The following SHANK2 variants were observed in gnomAD, a reference collection of about 807,000 sequenced individuals.
SHANK2 encodes the protein SH3 and multiple ankyrin repeat domains protein 2.
SHANK2 carries 43 observed loss-of-function variants against 133.7 expected under a neutral mutation model. The ratio of observed to expected loss-of-function variants is 0.32; its 90% confidence interval spans 0.25 to 0.41. SHANK2 has a LOEUF of 0.41. Among genes scored for constraint, SHANK2 ranks in the 10% least tolerant of loss-of-function variants. The pLI is 1.00. For synonymous variants in SHANK2, 1,017 were observed against 952.8 expected (o/e 1.07, Z -1.24); for missense variants, 1,994 against 2,235.8 (o/e 0.89, Z 2.18).
chr11:71,133,464 GGAGGGAGA>G (rs1952372138), intron 3 of SHANK2, among the ~76,000 whole-genome samples: 1 of 151,494 alleles, frequency 6.6e-6, no homozygotes, highest in African/African-American at 2.4e-5. Context: ...ACGGAGGGAG[GGAGGGAGA>G]GAGAGACAGA....
intron 10 of SHANK2, among the ~76,000 whole-genome samples, chr11:70,922,562 T>C (rs1555080883): frequency 6.6e-6 from 1 of 151,998 alleles, no homozygotes. Flanking sequence ...AGATAAGGGA[T>C]GTGACAAAGA....
chr11:71,086,269 A>ATGT (rs1324064635), intron 8 of SHANK2, among the ~76,000 whole-genome samples: 4 of 25,768 alleles, frequency 1.6e-4, no homozygotes, highest in African/African-American at 7.3e-4. Flanking sequence ...TATATATTAT[A>ATGT]TATGTTATAT....
rs529717167 is a variant in SHANK2, at chr11:70,683,777, G to A, written c.1853+14911C>T. Among the ~76,000 whole-genome samples, 4 of 150,208 alleles carry A rather than the reference G, an allele frequency of 2.7e-5. No individual in the cohort carries two copies. In the South Asian group the frequency reaches 8.4e-4, roughly 31 times the overall value. On this transcript the variant is annotated intron_variant, in intron 15 of 25. Transcript: ENST00000601538. ...TGGCTTTCTCCTCTTCTAGCTTCAT[G>A]ATCTCCTTTTTGTTTTTTTTTTTTC...
At chr11:70,853,845 G>A (rs1454659767) in intron 11 of SHANK2, among the ~76,000 whole-genome samples, 2 of 152,092 alleles carry the variant, frequency 1.3e-5, no homozygotes, top group Non-Finnish European at 1.5e-5. Context: ...CTCTGCCTTC[G>A]TCTGTGTGTG....
rs181971334 is a variant in SHANK2, at chr11:70,852,597, C to A, written c.1175-31915G>T. Among the ~76,000 whole-genome samples the A allele has an allele frequency of 2.1e-3, 317 of 152,372 alleles. 1 individual carries two copies. The highest frequency in any genetic ancestry group is 3.4e-3 in the Non-Finnish European group (229 of 68,036). On this transcript the variant is annotated intron_variant, in intron 11 of 25. Transcript: ENST00000601538. ...CAGTGGCTCATGCCTGTAATCCCAG[C>A]ACTTTGGGAGGCCAAGGTGGGCGGA...
intron 11 of SHANK2, among the ~76,000 whole-genome samples, chr11:70,831,301 A>T (rs2135398511): frequency 6.6e-6 from 1 of 152,324 alleles, no homozygotes; most frequent in South Asian, 2.1e-4. Context: ...CCATGGACAG[A>T]TGAAAAACCA....
At chr11:71,172,610 A>AAG (rs1447930377) in intron 2 of SHANK2, among the ~76,000 whole-genome samples, 2 of 151,230 alleles carry the variant, frequency 1.3e-5, no homozygotes, top group East Asian at 3.9e-4. Flanking sequence ...AAAAAAAAAA[A>AAG]AAGAAAAAAA....
At position 70,473,667 on chromosome 11, in the gene SHANK2, C is replaced by T. The variant is rs947510989; in HGVS notation, c.4980-228G>A. ...GAGCACACCACGTCAGCCCACTCAC[C>T]TGAACTGGGACAGAGGGGCTGGGGG... On this transcript the variant is annotated intron_variant, in intron 25 of 25. Transcript: ENST00000601538. The surrounding 1 kb of genome is among the most constrained non-coding windows in gnomAD (Gnocchi z 5.9). 45 of 626,580 alleles carry T rather than the reference C, an allele frequency of 7.2e-5. No homozygotes were observed. The highest frequency in any genetic ancestry group is 4.1e-4 in the Middle Eastern group (1 of 2,418). 38.8% of individuals were successfully genotyped at this position (626,580 alleles called of 1,614,324 possible).
chr11:70,922,313 T>A (rs561597231), intron 10 of SHANK2, among the ~76,000 whole-genome samples: 1 of 31,894 alleles, frequency 3.1e-5, no homozygotes, highest in Non-Finnish European at 7.1e-5. Context: ...GTGAATCAAA[T>A]CCTAGAAGGA....
At chr11:70,770,349 A>G (rs1947221503) in intron 14 of SHANK2, among the ~76,000 whole-genome samples, 1 of 152,202 alleles carries the variant, frequency 6.6e-6, no homozygotes, top group South Asian at 2.1e-4. Flanking sequence ...GACTGGGGTC[A>G]TGGCCATGGG....
chr11:70,672,060 CTTTTTCTTT>C (rs1944820906), intron 15 of SHANK2, among the ~76,000 whole-genome samples: 1 of 120,936 alleles, frequency 8.3e-6, no homozygotes, highest in East Asian at 2.2e-4. Context: ...CTTTTCTTTT[CTTTTTCTTT>C]TTTTTTTTTT....
intron 15 of SHANK2, among the ~76,000 whole-genome samples, chr11:70,687,168 T>C (rs1454346173): frequency 6.6e-6 from 1 of 152,182 alleles, no homozygotes; most frequent in Non-Finnish European, 1.5e-5. Flanking sequence ...AGCAATGATG[T>C]AGGCATTTTA....
chr11:70,627,474 C>T (rs1050801151), intron 17 of SHANK2, among the ~76,000 whole-genome samples: 1 of 152,188 alleles, frequency 6.6e-6, no homozygotes, highest in African/African-American at 2.4e-5. Context: ...TAAGCCATGG[C>T]AACCTGGAGA....
intron 17 of SHANK2, among the ~76,000 whole-genome samples, chr11:70,631,520 T>G (rs560777781): frequency 3.3e-5 from 5 of 152,106 alleles, no homozygotes; most frequent in Admixed American, 2.6e-4. Context: ...CCTAATCCAC[T>G]CGGCAAAGTC....
At chr11:71,063,316 G>A (rs952927603) in intron 9 of SHANK2, among the ~76,000 whole-genome samples, 3 of 152,124 alleles carry the variant, frequency 2.0e-5, no homozygotes, top group East Asian at 1.9e-4. Context: ...TTTCCCAGAC[G>A]TCAAAAAGAG....
At chr11:71,131,801 T>G (rs1952312064) in intron 3 of SHANK2, among the ~76,000 whole-genome samples, 1 of 152,192 alleles carries the variant, frequency 6.6e-6, no homozygotes, top group South Asian at 2.1e-4. Context: ...CACAAAACAC[T>G]TACTATGTGC....
chr11:71,252,683 C>T (rs1948207040), upstream of SHANK2: 1 of 151,424 alleles, frequency 6.6e-6, no homozygotes, highest in African/African-American at 2.4e-5. This position sits in a 1 kb window ranked among gnomAD's most constrained non-coding sequence, Gnocchi z 6.3. Context: ...GCGACCCGAC[C>T]TGGACCCCCA....
Position 70,472,609 on chromosome 11 carries a change from A to G in SHANK2, c.*260T>C, listed in dbSNP as rs578657. The G allele has an allele frequency of 0.99, 522,311 of 527,898 alleles. 258,625 individuals are homozygous for G. The highest frequency in any genetic ancestry group is 1 in the East Asian group (29,446 of 29,446). The allele number at this position is 527,898 out of a possible 1,614,324, so 32.7% of individuals were successfully genotyped here. On this transcript the variant is annotated 3_prime_UTR_variant, in exon 26 of 26. Transcript: ENST00000601538. This position sits in a 1 kb window ranked among gnomAD's most constrained non-coding sequence, Gnocchi z 4.4. ...CACCTGCATGCTGGGCGGCAGGCTGAGAATCTTTTTCCATGTTAGAAAAAC... is the reference window on the plus strand; with the variant it reads ...CACCTGCATGCTGGGCGGCAGGCTGGGAATCTTTTTCCATGTTAGAAAAAC...
intron 25 of SHANK2, among the ~76,000 whole-genome samples, chr11:70,483,831 T>G (rs1460875239): frequency 6.6e-6 from 1 of 152,226 alleles, no homozygotes; most frequent in Non-Finnish European, 1.5e-5. Context: ...TAACTGTGCT[T>G]CTCTATACCA....
Sources: allele counts gnomAD v4.1 joint callset (sites outside exome capture counted in the v4.1 genomes callset), GRCh38; gene constraint gnomAD v4.1.1; non-coding constraint Gnocchi (gnomAD v3.1); transcripts MANE v1.5; gene names NCBI Gene and HGNC (gene_info 2026-07-23, HGNC 2026-07-21).